ASF1B: variants seen among roughly 807,000 people sequenced by gnomAD.
The protein encoded by ASF1B is anti-silencing function 1B histone chaperone, also known as histone chaperone ASF1B.
A neutral mutation model predicts 16.6 loss-of-function variants in ASF1B; 10 were observed. The observed-to-expected ratio is 0.60, with a 90% confidence interval of 0.37 to 1.02. The LOEUF (loss-of-function observed/expected upper bound fraction) is 1.02, where lower values mean the gene tolerates loss of function less well. Ranked by LOEUF, ASF1B falls within the 50% of genes least tolerant of loss-of-function variation. ASF1B has a pLI of 0.01. For missense variants in ASF1B, 240 were observed against 266.0 expected, an observed-to-expected ratio of 0.90 and a Z score of 0.68; for synonymous variants, 101 against 106.2, an observed-to-expected ratio of 0.95 and a Z score of 0.30.
intron 1 of ASF1B, among the ~76,000 whole-genome samples, chr19:14,132,886 C>T (rs1053471179): frequency 6.6e-6 from 1 of 151,462 alleles, no homozygotes; most frequent in Non-Finnish European, 1.5e-5. Flanking sequence ...AATCCCAGGC[C>T]GAGGCGGGCG....
chr19:14,127,927 C>T (rs1309856589), intron 1 of ASF1B, among the ~76,000 whole-genome samples: 2 of 152,138 alleles, frequency 1.3e-5, no homozygotes, highest in Non-Finnish European at 2.9e-5. Context: ...TGTGAGCCAC[C>T]GTGCCCAGCC....
chr19:14,127,405 A>G (rs1967334704), intron 1 of ASF1B, among the ~76,000 whole-genome samples: 2 of 152,168 alleles, frequency 1.3e-5, no homozygotes, highest in African/African-American at 4.8e-5. Flanking sequence ...TGGGATAGGA[A>G]GCAGCATCCT....
At position 14,120,295 on chromosome 19, in the gene ASF1B, C is replaced by A; in HGVS notation, c.*164G>T. ...AGGAAAAGCGAGATCATCCTTCTGG[C>A]CAGGACTAGGGGAGACCCAAGGCCT... On this transcript the variant is annotated 3_prime_UTR_variant, in exon 4 of 4. Transcript: ENST00000263382. 1.6e-6 allele frequency: 1 copy of A among 618,536 alleles called. No homozygotes were observed. Among genetic ancestry groups the A allele is most frequent in the South Asian group, 2.1e-5 (1 of 46,864 alleles). 38.3% of individuals were successfully genotyped at this position (618,536 alleles called of 1,614,324 possible).
intron 2 of ASF1B, among the ~76,000 whole-genome samples, chr19:14,124,438 C>T (rs544936321): frequency 4.6e-5 from 7 of 152,256 alleles, no homozygotes; most frequent in Middle Eastern, 3.4e-3. Flanking sequence ...CCACCACACC[C>T]GGCCAGAATC....
chr19:14,136,528 G>A lies in ASF1B; in HGVS notation c.-72C>T. 1.5e-6 allele frequency: 2 copies of A among 1,359,828 alleles called. No individual in the cohort carries two copies. The highest frequency in any genetic ancestry group is 3.9e-5 in the Admixed American group (2 of 51,224). 84.2% of individuals were successfully genotyped at this position (1,359,828 alleles called of 1,614,324 possible). Reference sequence around the variant, plus strand: ...GCGGAGGCCGCGCCTGGGTCCGGTGGGGTCAGTGGGGTAGGGCTGACCAGG... The same window carrying A: ...GCGGAGGCCGCGCCTGGGTCCGGTGAGGTCAGTGGGGTAGGGCTGACCAGG... On this transcript the variant is annotated 5_prime_UTR_variant, in exon 1 of 4. Transcript: ENST00000263382.
Position 14,121,661 on chromosome 19 carries a change from A to G in ASF1B, c.273T>C (p.Gly91=), listed in dbSNP as rs1385085361. 6.2e-7 allele frequency: 1 copy of G among 1,613,860 alleles called. No individual in the cohort carries two copies. Residue 91 remains glycine (G), a synonymous_variant, in exon 3 of 4, where the codon GGT becomes GGC. Transcript: ENST00000263382. ...PSLIPETDAV[G]VTVVLITCTY... ...TGCAGGTGATGAGGACCACAGTCAC[A>G]CCCACGGCATCAGTCTCTGGGATGA... is the stretch of plus-strand genomic sequence containing the variant.
intron 2 of ASF1B, among the ~76,000 whole-genome samples, chr19:14,123,384 T>A (rs1213842946): frequency 6.9e-6 from 1 of 145,690 alleles, no homozygotes; most frequent in African/African-American, 2.5e-5. Flanking sequence ...TCTTCTTTTT[T>A]TTTTTTTTTT....
chr19:14,126,457 G>A (rs1053085026), intron 1 of ASF1B, among the ~76,000 whole-genome samples: 2 of 151,772 alleles, frequency 1.3e-5, no homozygotes, highest in Non-Finnish European at 2.9e-5. Context: ...GGTGCCCGCT[G>A]CCACGCCTAG....
intron 1 of ASF1B, among the ~76,000 whole-genome samples, chr19:14,132,934 C>T (rs1347849587): frequency 2.0e-5 from 3 of 151,682 alleles, no homozygotes; most frequent in Non-Finnish European, 4.4e-5. Context: ...TCCTGGGTAA[C>T]ACAGTGAAAC....
chr19:14,124,135 C>G (rs1967283534), intron 2 of ASF1B, among the ~76,000 whole-genome samples: 1 of 152,006 alleles, frequency 6.6e-6, no homozygotes, highest in Non-Finnish European at 1.5e-5. Context: ...GCTGGCACTA[C>G]AGGCCTGCAT....
At chr19:14,135,414 G>A (rs1310250812) in intron 1 of ASF1B, among the ~76,000 whole-genome samples, 1 of 152,100 alleles carries the variant, frequency 6.6e-6, no homozygotes, top group Non-Finnish European at 1.5e-5. Flanking sequence ...GAGCTGGGGA[G>A]ACAAAGTTCC....
chr19:14,128,707 G>A lies in ASF1B; in HGVS notation c.110-2470C>T, dbSNP rs550706914. ...CAGCCTGGTCTCAAGCAATCCTCCCGCCTTGGCCTCCCAAAGTGCTGGAAT... is the reference window on the plus strand; with the variant it reads ...CAGCCTGGTCTCAAGCAATCCTCCCACCTTGGCCTCCCAAAGTGCTGGAAT... On this transcript the variant is annotated intron_variant, in intron 1 of 3. Coordinates refer to ENST00000263382, the MANE Select transcript of ASF1B (RefSeq NM_018154.3). Among the ~76,000 whole-genome samples the A allele has an allele frequency of 3.9e-5, 6 of 152,246 alleles. No homozygotes were observed. In the East Asian group the frequency reaches 7.7e-4, roughly 20 times the overall value.
chr19:14,124,997 C>T (rs1475893379), intron 2 of ASF1B, among the ~76,000 whole-genome samples: 2 of 152,100 alleles, frequency 1.3e-5, no homozygotes, highest in Non-Finnish European at 2.9e-5. Flanking sequence ...GACAGAGTAT[C>T]GCTGTATCAC....
At chr19:14,127,070 G>A (rs1351818737) in intron 1 of ASF1B, among the ~76,000 whole-genome samples, 3 of 152,162 alleles carry the variant, frequency 2.0e-5, no homozygotes, top group African/African-American at 4.8e-5. Context: ...CACAGGTGTG[G>A]GCTGCTGTGC....
intron 1 of ASF1B, among the ~76,000 whole-genome samples, chr19:14,129,110 T>G (rs1967359854): frequency 6.6e-6 from 1 of 151,812 alleles, no homozygotes; most frequent in Non-Finnish European, 1.5e-5. Flanking sequence ...CAAAATTAAT[T>G]GGGTGTGGTG....
intron 1 of ASF1B, among the ~76,000 whole-genome samples, chr19:14,127,764 G>A (rs1171936237): frequency 1.3e-5 from 2 of 151,954 alleles, no homozygotes; most frequent in Non-Finnish European, 2.9e-5. Flanking sequence ...AGCCTCCTGA[G>A]TAGCTGGGAT....
rs367843122 is a variant in ASF1B at position 14,127,364 on chromosome 19, G to A, written c.110-1127C>T. Among the ~76,000 whole-genome samples, 7 of 152,300 alleles carry A rather than the reference G, an allele frequency of 4.6e-5. No individual in the cohort carries two copies. In the East Asian group the frequency reaches 9.6e-4, roughly 21 times the overall value. ...GCTGAGAAGGGAACGGCAGGGAGTT[G>A]GGTCATTTCAGGGCCCTGCCCACTG... On this transcript the variant is annotated intron_variant, in intron 1 of 3. Transcript: ENST00000263382.
In ASF1B at chr19:14,124,531, G is replaced by A. The variant is rs1443752066; in HGVS notation, c.225+1591C>T. Among the ~76,000 whole-genome samples, 4 of 152,160 alleles carry A rather than the reference G, an allele frequency of 2.6e-5. No homozygotes were observed. In the East Asian group the frequency reaches 7.7e-4, roughly 29 times the overall value. On this transcript the variant is annotated intron_variant, in intron 2 of 3. Coordinates refer to ENST00000263382, the MANE Select transcript of ASF1B (RefSeq NM_018154.3). ...TCCTCATTATTCATGGGTTCCATAT[G>A]TGCAAGTTCACCTACCTGCTAAGTT...
intron 2 of ASF1B, among the ~76,000 whole-genome samples, chr19:14,123,589 C>G (rs2144510422): frequency 6.6e-6 from 1 of 151,880 alleles, no homozygotes; most frequent in Middle Eastern, 3.4e-3. Context: ...ACCATGTTAG[C>G]CAAGATGGTC....
Sources: allele counts gnomAD v4.1 joint callset (sites outside exome capture counted in the v4.1 genomes callset), GRCh38; gene constraint gnomAD v4.1.1; transcripts MANE v1.5; gene names NCBI Gene and HGNC (gene_info 2026-07-23, HGNC 2026-07-21).